The following KCNQ1OT1 variants were observed in gnomAD, a reference collection of about 807,000 sequenced individuals.
KCNQ1OT1 encodes the protein KCNQ1 antisense RNA 2 (non-protein coding).
At chr11:2,699,784 C>CCGCGCCGAGGGG (rs1850759847) in exon 1 of KCNQ1OT1, 2 of 397,470 alleles carry the variant, frequency 5.0e-6, no homozygotes, top group Admixed American at 4.4e-5. Flanking sequence ...CCGAGGAGAA[C>CCGCGCCGAGGGG]CGCGCCGAGG....
chr11:2,625,427 GTTTA>G (rs1310781529), exon 1 of KCNQ1OT1: 1 of 398,348 alleles, frequency 2.5e-6, no homozygotes, highest in Non-Finnish European at 4.4e-6. Context: ...CCTAGGCTGT[GTTTA>G]TTTTTTTAAT....
rs1300427432 is a variant in KCNQ1OT1, at chr11:2,661,971, C to T, written n.38024G>A. 6.2e-7 allele frequency: 1 copy of T among 1,614,060 alleles called. No homozygotes were observed. The highest frequency in any genetic ancestry group is 8.5e-7 in the Non-Finnish European group (1 of 1,180,048). ...ACACTTTCTCCTCAGTAAGGAAGAG[C>T]CCAACACTGCTGGAAGTGAGCATGC... On this transcript the variant is annotated non_coding_transcript_exon_variant, in exon 1 of 1. Transcript: ENST00000597346. This position sits in a 1 kb window ranked among gnomAD's most constrained non-coding sequence, Gnocchi z 5.9.
At position 2,678,376 on chromosome 11, in the gene KCNQ1OT1, A is replaced by T. The variant is rs181011332; in HGVS notation, n.21619T>A. On this transcript the variant is annotated non_coding_transcript_exon_variant, in exon 1 of 1. Coordinates refer to ENST00000597346, the Ensembl canonical transcript of KCNQ1OT1. This position sits in a 1 kb window ranked among gnomAD's most constrained non-coding sequence, Gnocchi z 4.9. ...GGATTTTGACAGAGTAATTAAATCC[A>T]ATTTGGTTTCCCATATATTTGTCCA... 147 of 398,598 alleles carry T rather than the reference A, an allele frequency of 3.7e-4. No homozygotes were observed. The highest frequency in any genetic ancestry group is 2.9e-3 in the African/African-American group (141 of 48,750). The allele number at this position is 398,598 out of a possible 1,614,324, so 24.7% of individuals were successfully genotyped here.
At chr11:2,618,754 A>G (rs903155153) in exon 1 of KCNQ1OT1, 2 of 398,384 alleles carry the variant, frequency 5.0e-6, no homozygotes, top group African/African-American at 2.1e-5. Flanking sequence ...ATTTTATTCA[A>G]TCTGTATATT....
At position 2,668,242 on chromosome 11, in the gene KCNQ1OT1, T is replaced by G; in HGVS notation, n.31753A>C. On this transcript the variant is annotated non_coding_transcript_exon_variant, in exon 1 of 1. Coordinates refer to ENST00000597346, the Ensembl canonical transcript of KCNQ1OT1. This position sits in a 1 kb window ranked among gnomAD's most constrained non-coding sequence, Gnocchi z 4.3. ...TACCACCTGTGGCCAGCAGGCAGTT[T>G]CTGGTGTAGGTTGCTGTTTAAGAAT... 2 of 398,646 alleles carry G rather than the reference T, an allele frequency of 5.0e-6. No individual in the cohort carries two copies. The highest frequency in any genetic ancestry group is 8.8e-6 in the Non-Finnish European group (2 of 226,096). The allele number at this position is 398,646 out of a possible 1,614,324, so 24.7% of individuals were successfully genotyped here. A position where few individuals can be genotyped will look rare whatever the true frequency, so the allele number is the denominator to read the frequency against.
At chr11:2,632,502 C>T (rs1284150875) in exon 1 of KCNQ1OT1, 2 of 398,172 alleles carry the variant, frequency 5.0e-6, no homozygotes, top group East Asian at 7.1e-5. Context: ...GGTTTTTCTT[C>T]TAGGAGTCTT....
At chr11:2,609,866 T>C (rs964542153) in exon 1 of KCNQ1OT1, 2 of 398,076 alleles carry the variant, frequency 5.0e-6, no homozygotes, top group Non-Finnish European at 8.9e-6. Flanking sequence ...TTACATGATA[T>C]ATCTTTTTCC....
At chr11:2,694,264 G>A (rs1033240917) in exon 1 of KCNQ1OT1, 6 of 398,544 alleles carry the variant, frequency 1.5e-5, no homozygotes, top group East Asian at 7.1e-5. Context: ...TGCCTTTAAA[G>A]AGCCACAGCA....
rs146044834 is a variant in KCNQ1OT1, at chr11:2,631,298, A to G, written n.68697T>C. 6.4e-4 allele frequency: 255 copies of G among 398,192 alleles called. 2 individuals carry two copies. The East Asian group carries it at 8.0e-3, about 13-fold the overall frequency. 24.7% of individuals were successfully genotyped at this position (398,192 alleles called of 1,614,324 possible). A position where few individuals can be genotyped will look rare whatever the true frequency, so the allele number is the denominator to read the frequency against. ...TTTTCATTCTTTATTTTTCTCCTCT[A>G]CTGGTTATTTTCAAATAATTTATCC... On this transcript the variant is annotated non_coding_transcript_exon_variant, in exon 1 of 1. Transcript: ENST00000597346.
chr11:2,696,695 A>G (rs1373946288), exon 1 of KCNQ1OT1: 1 of 398,520 alleles, frequency 2.5e-6, no homozygotes, highest in Non-Finnish European at 4.4e-6. Context: ...AAGAAAATAA[A>G]ATGTCTCTGC....
chr11:2,635,038 T>G (rs1270389597), exon 1 of KCNQ1OT1: 1 of 152,248 alleles, frequency 6.6e-6, no homozygotes, highest in African/African-American at 2.4e-5. Flanking sequence ...TGTTTGTTTT[T>G]TCTTGTAAAT....
In KCNQ1OT1 at chr11:2,664,890, AC is replaced by A. The variant is rs1434851105; in HGVS notation, n.35104del. On this transcript the variant is annotated non_coding_transcript_exon_variant, in exon 1 of 1. Transcript: ENST00000597346. This position sits in a 1 kb window ranked among gnomAD's most constrained non-coding sequence, Gnocchi z 5.1. ...TCAAATTAAAAACATAAATAAAGAC[AC>A]ATTTTGTTTCCATCTCGAGCTCTCC... 1 of 398,448 alleles carries A rather than the reference AC, an allele frequency of 2.5e-6. No homozygotes were observed. The highest frequency in any genetic ancestry group is 3.6e-5 in the East Asian group (1 of 28,082). 24.7% of individuals were successfully genotyped at this position (398,448 alleles called of 1,614,324 possible).
rs934405273 is a variant in KCNQ1OT1 at position 2,691,946 on chromosome 11, A to C, written n.8049T>G. The stretch of plus-strand genomic sequence containing the variant: ...GCAGGTTTTCCCTTCTGGCATGGCC[A>C]CTAAATGCCAGTGCCTTTCTCTATG... On this transcript the variant is annotated non_coding_transcript_exon_variant, in exon 1 of 1. Coordinates refer to ENST00000597346, the Ensembl canonical transcript of KCNQ1OT1. This position sits in a 1 kb window ranked among gnomAD's most constrained non-coding sequence, Gnocchi z 6.4. The C allele has an allele frequency of 3.0e-5, 12 of 398,446 alleles. No individual in the cohort carries two copies. The highest frequency in any genetic ancestry group is 5.3e-5 in the Non-Finnish European group (12 of 226,114). 24.7% of individuals were successfully genotyped at this position (398,446 alleles called of 1,614,324 possible).
Position 2,661,161 on chromosome 11 carries a change from A to G in KCNQ1OT1, n.38834T>C, listed in dbSNP as rs946272522. On this transcript the variant is annotated non_coding_transcript_exon_variant, in exon 1 of 1. Coordinates refer to ENST00000597346, the Ensembl canonical transcript of KCNQ1OT1. The surrounding 1 kb of genome is among the most constrained non-coding windows in gnomAD (Gnocchi z 5.9). ...TGGGCTAGGGATCTAGTTGGCAGTT[A>G]ACACTGATGACCTTGGGGGAGGAAA... The G allele has an allele frequency of 1.0e-5, 4 of 398,520 alleles. No individual in the cohort carries two copies. Among genetic ancestry groups the G allele is most frequent in the African/African-American group, 8.2e-5 (4 of 48,628 alleles). The allele number at this position is 398,520 out of a possible 1,614,324, so 24.7% of individuals were successfully genotyped here. A position where few individuals can be genotyped will look rare whatever the true frequency, so the allele number is the denominator to read the frequency against.
exon 1 of KCNQ1OT1, chr11:2,633,164 AGATGTT>A (rs1339516567): frequency 2.5e-6 from 1 of 398,310 alleles, no homozygotes; most frequent in Non-Finnish European, 4.4e-6. Context: ...CTGTGATGAG[AGATGTT>A]GAGCATTTTT....
In KCNQ1OT1 at chr11:2,608,966, GT is replaced by G. The variant is rs1450794764; in HGVS notation, n.91028del. On this transcript the variant is annotated non_coding_transcript_exon_variant, in exon 1 of 1. Transcript: ENST00000597346. The surrounding 1 kb of genome is among the most constrained non-coding windows in gnomAD (Gnocchi z 4.6). ...TCTCTTACCAATCTATCAAAGGTTT[GT>G]TAATTTCAAAGAACCAAATTTTGGA... The G allele has an allele frequency of 1.3e-5, 5 of 396,074 alleles. No individual in the cohort carries two copies. The highest frequency in any genetic ancestry group is 4.2e-5 in the African/African-American group (2 of 47,764). The allele number at this position is 396,074 out of a possible 1,614,324, so 24.5% of individuals were successfully genotyped here.
chr11:2,643,825 T>C (rs760331945), exon 1 of KCNQ1OT1: 1 of 398,594 alleles, frequency 2.5e-6, no homozygotes. Flanking sequence ...GGAAATACTT[T>C]ATTTCTCCTT....
exon 1 of KCNQ1OT1, chr11:2,681,842 A>G (rs1053386809): frequency 2.5e-6 from 1 of 398,422 alleles, no homozygotes; most frequent in African/African-American, 2.1e-5. Flanking sequence ...CTCCCCAAAC[A>G]TCAAGGTACT....
In KCNQ1OT1 at chr11:2,630,996, C is replaced by T. The variant is rs116236326; in HGVS notation, n.68999G>A. ...GATGTAAGAACTTTATTTATCTTGC[C>T]GCTTTCAAAATTATCTTGTCTTCCA... is the stretch of plus-strand genomic sequence containing the variant. On this transcript the variant is annotated non_coding_transcript_exon_variant, in exon 1 of 1. Coordinates refer to ENST00000597346, the Ensembl canonical transcript of KCNQ1OT1. 6.4e-4 allele frequency: 254 copies of T among 398,418 alleles called. 2 individuals are homozygous for T. The highest frequency in any genetic ancestry group is 4.4e-3 in the African/African-American group (212 of 48,726). The allele number at this position is 398,418 out of a possible 1,614,324, so 24.7% of individuals were successfully genotyped here. A position where few individuals can be genotyped will look rare whatever the true frequency, so the allele number is the denominator to read the frequency against.
Sources: allele counts gnomAD v4.1 joint callset, GRCh38; gene constraint gnomAD v4.1.1; non-coding constraint Gnocchi (gnomAD v3.1); transcripts MANE v1.5; gene names NCBI Gene and HGNC (gene_info 2026-07-23, HGNC 2026-07-21).